The following ZZZ3 variants were observed in gnomAD, a reference collection of about 807,000 sequenced individuals.
ZZZ3 encodes the protein zinc finger ZZ-type containing 3, also known as ZZ-type zinc finger-containing protein 3.
Under a neutral mutation model 95.2 loss-of-function variants are expected in ZZZ3, and 22 were observed. That is an observed-to-expected ratio of 0.23 (90% confidence interval 0.17 to 0.33). The LOEUF (loss-of-function observed/expected upper bound fraction) is 0.33. ZZZ3 is among the 10% of genes least tolerant of loss of function. The probability of loss-of-function intolerance (pLI) is 1.00; values close to 1 mark genes in which losing one functional copy is unlikely to be tolerated. For synonymous variants in ZZZ3, 335 were observed against 358.9 expected (o/e 0.93, Z 0.75); for missense variants, 885 against 1,066.5 (o/e 0.83, Z 2.37).
chr1:77,623,906 G>C (rs1667102791), intron 5 of ZZZ3, among the ~76,000 whole-genome samples: 1 of 151,728 alleles, frequency 6.6e-6, no homozygotes, highest in Non-Finnish European at 1.5e-5. Flanking sequence ...CAAACAAAAA[G>C]ATTCCACTGA....
At chr1:77,616,380 A>C (rs975253376) in intron 5 of ZZZ3, among the ~76,000 whole-genome samples, 1 of 152,236 alleles carries the variant, frequency 6.6e-6, no homozygotes, top group Non-Finnish European at 1.5e-5. Flanking sequence ...GTAAATGTCC[A>C]TTGAACCCTG....
intron 4 of ZZZ3, among the ~76,000 whole-genome samples, chr1:77,635,270 C>T (rs1340230099): frequency 6.6e-6 from 1 of 152,112 alleles, no homozygotes; most frequent in East Asian, 1.9e-4. Flanking sequence ...GTATGGCATA[C>T]TTTTAAATTT....
At chr1:77,633,996 G>A (rs1668062472) in intron 4 of ZZZ3, among the ~76,000 whole-genome samples, 1 of 151,664 alleles carries the variant, frequency 6.6e-6, no homozygotes, top group South Asian at 2.1e-4. Context: ...ATGGTGAAAC[G>A]CTGTCTCTAC....
intron 1 of ZZZ3, among the ~76,000 whole-genome samples, chr1:77,647,825 T>C (rs190813210): frequency 2.6e-5 from 4 of 152,270 alleles, no homozygotes; most frequent in Admixed American, 2.6e-4. Flanking sequence ...CCTCATAATT[T>C]GTGGGACATG....
intron 12 of ZZZ3, 51 bp from the exon 13 acceptor site, chr1:77,568,517 TTAAGTG>T (rs2100463339): frequency 1.0e-6 from 1 of 976,434 alleles, no homozygotes; most frequent in Non-Finnish European, 1.5e-6. Context: ...TTAAAATGAA[TTAAGTG>T]TAAGTAATAC....
At chr1:77,615,128 T>C (rs1666184671) in intron 5 of ZZZ3, among the ~76,000 whole-genome samples, 1 of 152,264 alleles carries the variant, frequency 6.6e-6, no homozygotes, top group East Asian at 1.9e-4. Flanking sequence ...GACCAAACAA[T>C]TCAAGGAAGC....
chr1:77,658,144 A>C (rs1375663374), intron 1 of ZZZ3, among the ~76,000 whole-genome samples: 1 of 140,308 alleles, frequency 7.1e-6, no homozygotes, highest in Non-Finnish European at 1.5e-5. Context: ...ACGCCACTGC[A>C]TTCCAGCCTG....
At chr1:77,672,060 C>T (rs1671834295) in intron 1 of ZZZ3, among the ~76,000 whole-genome samples, 1 of 152,130 alleles carries the variant, frequency 6.6e-6, no homozygotes, top group Non-Finnish European at 1.5e-5. Context: ...AAAGGGCACA[C>T]AATTTAAAAC....
At chr1:77,581,206 C>CTT in intron 8 of ZZZ3, 137 bp from the exon 9 acceptor site, 1 of 671,048 alleles carries the variant, frequency 1.5e-6, no homozygotes. Flanking sequence ...AATGTATATG[C>CTT]TTTTTTTTTA....
intron 1 of ZZZ3, among the ~76,000 whole-genome samples, chr1:77,652,787 T>G (rs993542033): frequency 6.6e-6 from 1 of 152,194 alleles, no homozygotes; most frequent in Non-Finnish European, 1.5e-5. Flanking sequence ...CAGTGAGGTA[T>G]TGACAAATGC....
At chr1:77,590,061 TTAAA>T (rs1663522208) in intron 5 of ZZZ3, among the ~76,000 whole-genome samples, 1 of 152,146 alleles carries the variant, frequency 6.6e-6, no homozygotes, top group South Asian at 2.1e-4. Context: ...TCAAAACTCA[TTAAA>T]TAGTGTCATT....
intron 12 of ZZZ3, among the ~76,000 whole-genome samples, chr1:77,572,080 G>T (rs932929010): frequency 1.3e-5 from 2 of 152,180 alleles, no homozygotes; most frequent in Non-Finnish European, 2.9e-5. Flanking sequence ...ATGTAAGTAA[G>T]TGTTCTATCT....
At chr1:77,577,559 G>A (rs1044887639) in intron 11 of ZZZ3, among the ~76,000 whole-genome samples, 2 of 151,960 alleles carry the variant, frequency 1.3e-5, no homozygotes, top group African/African-American at 4.8e-5. Context: ...AAACTGTATA[G>A]ACAATATTCT....
rs562633456 is a variant in ZZZ3 at position 77,631,386 on chromosome 1, T to C, written c.1505+464A>G. ...ATGATGCATAAAGCACATTTTTTAA[T>C]AAAAAATTTTAATTGGGAATTAAAT... On this transcript the variant is annotated intron_variant, in intron 5 of 14. Coordinates refer to ENST00000370801, the MANE Select transcript of ZZZ3 (RefSeq NM_015534.6). 5.3e-5 allele frequency among the ~76,000 whole-genome samples: 8 copies of C among 152,256 alleles called. No individual in the cohort carries two copies. The South Asian group carries it at 1.5e-3, about 28-fold the overall frequency.
At chr1:77,618,241 T>C (rs2100770831) in intron 5 of ZZZ3, among the ~76,000 whole-genome samples, 1 of 131,204 alleles carries the variant, frequency 7.6e-6, no homozygotes, top group East Asian at 2.1e-4. Flanking sequence ...GCCTTTTTTT[T>C]TTTTTTTTTT....
At chr1:77,648,205 C>G (rs1669469202) in intron 1 of ZZZ3, among the ~76,000 whole-genome samples, 1 of 151,922 alleles carries the variant, frequency 6.6e-6, no homozygotes, top group African/African-American at 2.4e-5. Flanking sequence ...AAAAATTAGC[C>G]AGATGTTGTG....
Position 77,632,341 on chromosome 1 carries a change from T to C in ZZZ3, c.1014A>G (p.Glu338=). 1 of 1,614,094 alleles carries C rather than the reference T, an allele frequency of 6.2e-7. No individual in the cohort carries two copies. The highest frequency in any genetic ancestry group is 8.5e-7 in the Non-Finnish European group (1 of 1,180,008). ...GCATACTCTCAAGACTTGTGTCCAG[T>C]TCGTTATTGGTGTTTTCTTTACACT... is the stretch of plus-strand genomic sequence containing the variant. ...KEQCKENTNN[E]LDTSLESMPA... Residue 338 remains glutamate, a synonymous_variant, in exon 5 of 15, where the codon GAA becomes GAG. Coordinates refer to ENST00000370801, the MANE Select transcript of ZZZ3 (RefSeq NM_015534.6).
Position 77,641,615 on chromosome 1 carries a change from G to T in ZZZ3, c.-362C>A, listed in dbSNP as rs1240544921. ...TGTCCATGTTACACTGAGACTTCAGGTATTATTTATTTATATGGTTGTACT... is the reference window on the plus strand; with the variant it reads ...TGTCCATGTTACACTGAGACTTCAGTTATTATTTATTTATATGGTTGTACT... On this transcript the variant is annotated 5_prime_UTR_variant, in exon 2 of 15. Transcript: ENST00000370801. The T allele has an allele frequency of 2.5e-6, 1 of 397,988 alleles. No individual in the cohort carries two copies. Among genetic ancestry groups the T allele is most frequent in the Non-Finnish European group, 4.4e-6 (1 of 225,802 alleles). 24.7% of individuals were successfully genotyped at this position (397,988 alleles called of 1,614,324 possible).
intron 11 of ZZZ3, among the ~76,000 whole-genome samples, chr1:77,577,683 T>C (rs978051358): frequency 1.3e-5 from 2 of 152,218 alleles, no homozygotes; most frequent in Non-Finnish European, 2.9e-5. Flanking sequence ...AGTAACAGGA[T>C]AACTTATTAA....
Sources: allele counts gnomAD v4.1 joint callset (sites outside exome capture counted in the v4.1 genomes callset), GRCh38; gene constraint gnomAD v4.1.1; transcripts MANE v1.5; gene names NCBI Gene and HGNC (gene_info 2026-07-23, HGNC 2026-07-21).